Variants in KPNA5 observed in about 807,000 individuals in gnomAD.
KPNA5 encodes the protein karyopherin subunit alpha 5, also known as importin subunit alpha-6.
A neutral mutation model predicts 71.3 loss-of-function variants in KPNA5; 46 were observed. The ratio of observed to expected loss-of-function variants is 0.65; its 90% CI spans 0.51 to 0.83. The LOEUF (loss-of-function observed/expected upper bound fraction) is 0.83, where lower values mean the gene tolerates loss of function less well. Among genes scored for constraint, KPNA5 ranks in the 40% least tolerant of loss-of-function variants. The pLI is 0.00. For missense variants in KPNA5, 547 were observed against 628.3 expected (o/e 0.87, Z 1.38); for synonymous variants, 207 against 201.4 (o/e 1.03, Z -0.24).
chr6:116,708,512 G>A (rs1778531775), intron 7 of KPNA5, among the ~76,000 whole-genome samples: 1 of 152,236 alleles, frequency 6.6e-6, no homozygotes, highest in South Asian at 2.1e-4. Flanking sequence ...CATTTACTCT[G>A]TAGATCACTT....
intron 7 of KPNA5, among the ~76,000 whole-genome samples, chr6:116,715,300 T>C (rs1778845055): frequency 6.6e-6 from 1 of 152,102 alleles, no homozygotes; most frequent in Admixed American, 6.5e-5. Flanking sequence ...AAGGTAAGGA[T>C]CCATTATGGT....
At chr6:116,684,204 C>T (rs555215484) in intron 1 of KPNA5, among the ~76,000 whole-genome samples, 17 of 152,098 alleles carry the variant, frequency 1.1e-4, no homozygotes, top group African/African-American at 4.1e-4. Flanking sequence ...TGAGCTACCC[C>T]GCCCGGCCAT....
At chr6:116,713,936 T>A (rs1385301989) in intron 7 of KPNA5, among the ~76,000 whole-genome samples, 1 of 152,212 alleles carries the variant, frequency 6.6e-6, no homozygotes, top group Non-Finnish European at 1.5e-5. Context: ...GACATTGTTT[T>A]TCTAGTTTTC....
At chr6:116,695,661 A>C (rs994818911) in intron 4 of KPNA5, among the ~76,000 whole-genome samples, 3 of 152,040 alleles carry the variant, frequency 2.0e-5, no homozygotes, top group African/African-American at 7.2e-5. Context: ...TTTAACTTTC[A>C]TTTTCTGTTC....
At chr6:116,730,982 C>G (rs1278592527) in intron 13 of KPNA5, among the ~76,000 whole-genome samples, 1 of 151,260 alleles carries the variant, frequency 6.6e-6, no homozygotes, top group African/African-American at 2.4e-5. Context: ...ATAAAACATA[C>G]CATGTTCATT....
intron 4 of KPNA5, among the ~76,000 whole-genome samples, chr6:116,697,222 A>T (rs938005034): frequency 2.0e-5 from 3 of 152,136 alleles, no homozygotes; most frequent in Non-Finnish European, 4.4e-5. Flanking sequence ...GATGGAAGGT[A>T]AAATGATTAA....
At chr6:116,689,475 A>C (rs757344397) in intron 2 of KPNA5, 22 bp downstream of exon 2, 2 of 1,530,118 alleles carry the variant, frequency 1.3e-6, no homozygotes, top group Non-Finnish European at 1.7e-6. Flanking sequence ...TAGCTATTTA[A>C]TTTTGTTTTT....
rs181934564 is a variant in KPNA5 at position 116,707,086 on chromosome 6, C to T, written c.656+1926C>T. ...GGCTGAGGCAGGAGGATGGCTTGTA[C>T]CCAGGAGGTGGAGCTTGCAGTGAGC... On this transcript the variant is annotated intron_variant, in intron 7 of 13. Coordinates refer to ENST00000368564, the MANE Select transcript of KPNA5 (RefSeq NM_001366306.2). Among the ~76,000 whole-genome samples the T allele has an allele frequency of 6.2e-4, 95 of 152,166 alleles. No individual in the cohort carries two copies. In the East Asian group the frequency reaches 0.016, roughly 26 times the overall value.
chr6:116,733,276 TAAGTACAAGTAC>T lies in KPNA5; in HGVS notation c.*958_*969del, dbSNP rs71682679. 6.6e-6 allele frequency: 1 copy of T among 151,410 alleles called. No individual in the cohort carries two copies. Among genetic ancestry groups the T allele is most frequent in the Non-Finnish European group, 1.5e-5 (1 of 67,584 alleles). The allele number at this position is 151,410 out of a possible 1,614,324, so 9.4% of individuals were successfully genotyped here. A position where few individuals can be genotyped will look rare whatever the true frequency, so the allele number is the denominator to read the frequency against. On this transcript the variant is annotated 3_prime_UTR_variant, in exon 14 of 14. Coordinates refer to ENST00000368564, the MANE Select transcript of KPNA5 (RefSeq NM_001366306.2). ...CTGTATAATAGTACTAGTTTAAGTT[TAAGTACAAGTAC>T]AAGTTTAGGTACTCGAATGACAAAA...
At chr6:116,695,417 C>A (rs554733989) in intron 4 of KPNA5, among the ~76,000 whole-genome samples, 1 of 151,834 alleles carries the variant, frequency 6.6e-6, no homozygotes, top group Admixed American at 6.6e-5. Context: ...AAATTTAAAT[C>A]TTTGTCTTGT....
At chr6:116,701,518 T>C (rs983255396) in intron 5 of KPNA5, among the ~76,000 whole-genome samples, 3 of 152,230 alleles carry the variant, frequency 2.0e-5, no homozygotes, top group African/African-American at 7.2e-5. Context: ...AATGAAAGCT[T>C]GATGTTGAAC....
At chr6:116,716,466 G>T in intron 8 of KPNA5, 148 bp downstream of exon 8, 1 of 656,294 alleles carries the variant, frequency 1.5e-6, no homozygotes. Flanking sequence ...GTATTCAAAA[G>T]CTTTACAATA....
rs377433973 is a variant in KPNA5 at position 116,727,713 on chromosome 6, A to C, written c.1253+1091A>C. On this transcript the variant is annotated intron_variant, in intron 12 of 13. Transcript: ENST00000368564. ...TAAACATATTATTAATAACTAATAG[A>C]TAATTAAGAATAGCTACTGTTATTA... is the stretch of plus-strand genomic sequence containing the variant. 1.2e-4 allele frequency among the ~76,000 whole-genome samples: 19 copies of C among 152,208 alleles called. No homozygotes were observed. In the East Asian group the frequency reaches 3.3e-3, roughly 26 times the overall value.
intron 8 of KPNA5, among the ~76,000 whole-genome samples, chr6:116,717,940 C>T (rs1210581708): frequency 1.3e-5 from 2 of 152,164 alleles, no homozygotes; most frequent in Non-Finnish European, 2.9e-5. Context: ...AATGGACATG[C>T]CTGAGAAGTT....
intron 2 of KPNA5, among the ~76,000 whole-genome samples, chr6:116,690,082 CTTCTATTGTATTCTA>C (rs144872764): frequency 6.6e-6 from 1 of 151,114 alleles, no homozygotes; most frequent in Non-Finnish European, 1.5e-5. Flanking sequence ...GGCCTATTCT[CTTCTATTGTATTCTA>C]TTCTATTGTA....
At chr6:116,717,558 G>T (rs547076154) in intron 8 of KPNA5, among the ~76,000 whole-genome samples, 3 of 152,244 alleles carry the variant, frequency 2.0e-5, no homozygotes, top group African/African-American at 7.2e-5. Context: ...TCAGAAGAAA[G>T]AATTCAACTG....
At chr6:116,710,617 T>C (rs1485397623) in intron 7 of KPNA5, among the ~76,000 whole-genome samples, 1 of 151,982 alleles carries the variant, frequency 6.6e-6, no homozygotes, top group Non-Finnish European at 1.5e-5. Context: ...TTTGGTAGAA[T>C]TCACCAGTGA....
At chr6:116,708,288 AT>A (rs779938299) in intron 7 of KPNA5, among the ~76,000 whole-genome samples, 5 of 152,178 alleles carry the variant, frequency 3.3e-5, no homozygotes, top group South Asian at 2.1e-4. Context: ...GAATTTGGTA[AT>A]ATGGTAATTC....
At chr6:116,702,610 A>C (rs1346995655) in intron 6 of KPNA5, among the ~76,000 whole-genome samples, 1 of 152,176 alleles carries the variant, frequency 6.6e-6, no homozygotes, top group Non-Finnish European at 1.5e-5. Flanking sequence ...CAGAGGTTGC[A>C]GAGAGCCGAG....
Sources: allele counts gnomAD v4.1 joint callset (sites outside exome capture counted in the v4.1 genomes callset), GRCh38; gene constraint gnomAD v4.1.1; transcripts MANE v1.5; gene names NCBI Gene and HGNC (gene_info 2026-07-23, HGNC 2026-07-21).